DCC: variants seen among roughly 807,000 people sequenced by gnomAD.
DCC encodes DCC netrin 1 receptor.
DCC carries 58 observed loss-of-function variants against 172.5 expected under a neutral mutation model. The ratio of observed to expected loss-of-function variants is 0.34; its 90% CI spans 0.27 to 0.42. The LOEUF (loss-of-function observed/expected upper bound fraction) is 0.42, where lower values mean the gene tolerates loss of function less well. Ranked by LOEUF, DCC falls within the 10% of genes least tolerant of loss-of-function variation. The pLI, the probability that DCC is intolerant of heterozygous loss-of-function variation, is 1.00. For synonymous variants in DCC, 709 were observed against 644.5 expected, an observed-to-expected ratio of 1.10 and a Z score of -1.52; for missense variants, 1,740 against 1,791.0, an observed-to-expected ratio of 0.97 and a Z score of 0.51.
At chr18:52,717,563 A>G (rs2036405183) in intron 1 of DCC, among the ~76,000 whole-genome samples, 1 of 151,912 alleles carries the variant, frequency 6.6e-6, no homozygotes, top group South Asian at 2.1e-4. Context: ...AGAAAACACA[A>G]GCAGTGAACA....
chr18:53,263,082 G>A (rs1439900965), intron 12 of DCC, among the ~76,000 whole-genome samples: 1 of 152,174 alleles, frequency 6.6e-6, no homozygotes, highest in African/African-American at 2.4e-5. Flanking sequence ...ATGAACATAT[G>A]TAAATGTTAA....
chr18:52,598,104 A>G (rs944211940), intron 1 of DCC, among the ~76,000 whole-genome samples: 1 of 152,106 alleles, frequency 6.6e-6, no homozygotes, highest in African/African-American at 2.4e-5. Context: ...TATTTTCATG[A>G]CCTTGTGTGG....
rs773517928 is a variant in DCC, at chr18:52,925,334, G to A, written c.949G>A (p.Glu317Lys). The change falls in exon 5 of 29, where the codon GAG (glutamate) becomes AAG (lysine). Residue 317 changes from glutamate to lysine, a missense_variant. Coordinates refer to ENST00000442544, the MANE Select transcript of DCC (RefSeq NM_005215.4). ...TACCTGTGTTGTCACATATAAAAAT[G>A]AGAATATTAGTGCCTCTGCAGAGCT... ...MYTCVVTYKN[E>K]NISASAELTV... 1.9e-6 allele frequency: 3 copies of A among 1,612,500 alleles called. No individual in the cohort carries two copies. The African/African-American group carries it at 4.0e-5, about 22-fold the overall frequency.
intron 1 of DCC, chr18:52,419,252 G>A (rs1987163043): frequency 6.6e-6 from 1 of 152,182 alleles, no homozygotes; most frequent in Non-Finnish European, 1.5e-5. Context: ...AGCACAGGGT[G>A]TTGGAGAGTC....
intron 1 of DCC, among the ~76,000 whole-genome samples, chr18:52,498,323 G>A (rs1006703295): frequency 6.6e-5 from 10 of 152,062 alleles, no homozygotes; most frequent in African/African-American, 1.9e-4. Flanking sequence ...CAGACTCAGT[G>A]ACTAAAATGA....
Position 52,610,167 on chromosome 18 carries a change from AAAAAAAAAAAAATATATATATAT to A in DCC, c.92-141885_92-141863del, listed in dbSNP as rs1348169190. On this transcript the variant is annotated intron_variant, in intron 1 of 28. Coordinates refer to ENST00000442544, the MANE Select transcript of DCC (RefSeq NM_005215.4). Reference sequence around the variant, plus strand: ...CATCTCTCATAAAAAAAAAAAAAAAAAAAAAAAAAAAATATATATATATATATATATATATATATATATATATA... The same window carrying A: ...CATCTCTCATAAAAAAAAAAAAAAAAATATATATATATATATATATATATA... 4.3e-4 allele frequency among the ~76,000 whole-genome samples: 10 copies of A among 23,046 alleles called. 2 individuals are homozygous for A. In the South Asian group the frequency reaches 0.011, roughly 25 times the overall value. The allele number at this position is 23,046 out of a possible 152,430, so 15.1% of individuals were successfully genotyped here.
intron 27 of DCC, among the ~76,000 whole-genome samples, chr18:53,525,387 T>C (rs1423554475): frequency 1.3e-5 from 2 of 152,068 alleles, no homozygotes; most frequent in African/African-American, 4.8e-5. Flanking sequence ...GAACAGAATA[T>C]CACCCTTTTA....
intron 26 of DCC, among the ~76,000 whole-genome samples, chr18:53,489,107 C>G (rs1325540495): frequency 6.6e-6 from 1 of 151,838 alleles, no homozygotes; most frequent in African/African-American, 2.4e-5. Context: ...TATTTATTCT[C>G]TAGAAGATGT....
chr18:53,115,420 G>A (rs2043395016), intron 7 of DCC, among the ~76,000 whole-genome samples: 1 of 151,410 alleles, frequency 6.6e-6, no homozygotes, highest in African/African-American at 2.4e-5. Flanking sequence ...TGTGTGGTTA[G>A]TGGCAGATAC....
At chr18:53,366,245 C>T (rs903231055) in intron 15 of DCC, among the ~76,000 whole-genome samples, 1 of 152,012 alleles carries the variant, frequency 6.6e-6, no homozygotes, top group African/African-American at 2.4e-5. Context: ...TTAGTAGAGA[C>T]GGGGTTTCAC....
chr18:53,155,612 G>T (rs2054718796), intron 7 of DCC, among the ~76,000 whole-genome samples: 1 of 152,214 alleles, frequency 6.6e-6, no homozygotes, highest in South Asian at 2.1e-4. Flanking sequence ...ATAATTCAGA[G>T]TTGTTCTTAT....
At chr18:52,957,342 TTATAA>T (rs144740214) in intron 5 of DCC, among the ~76,000 whole-genome samples, 3,273 of 152,066 alleles carry the variant, frequency 0.022, 58 homozygotes, top group Admixed American at 0.039. Flanking sequence ...TTATAAATAA[TTATAA>T]TATAAGGGAA....
At chr18:52,474,330 C>A (rs1231929) in intron 1 of DCC, among the ~76,000 whole-genome samples, 1 of 151,120 alleles carries the variant, frequency 6.6e-6, no homozygotes, top group Non-Finnish European at 1.5e-5. Context: ...TCATTGGTGG[C>A]GGAGATTTTA....
chr18:53,493,235 G>A (rs1249348222), intron 26 of DCC, among the ~76,000 whole-genome samples: 1 of 152,134 alleles, frequency 6.6e-6, no homozygotes, highest in East Asian at 1.9e-4. Flanking sequence ...CTGAGATGAT[G>A]GGGTTTTCTA....
chr18:52,864,631 A>G (rs987824563), intron 2 of DCC, among the ~76,000 whole-genome samples: 11 of 151,230 alleles, frequency 7.3e-5, no homozygotes, highest in African/African-American at 2.2e-4. Context: ...GAACCCATCA[A>G]CCTATCAACA....
chr18:53,210,550 TAGAC>T (rs1260754815), intron 11 of DCC, among the ~76,000 whole-genome samples: 10 of 152,192 alleles, frequency 6.6e-5, no homozygotes, highest in African/African-American at 2.4e-4. Flanking sequence ...TCGAATTAAT[TAGAC>T]AGCTCAGTCA....
intron 1 of DCC, among the ~76,000 whole-genome samples, chr18:52,679,448 C>A (rs1197139759): frequency 6.6e-6 from 1 of 152,022 alleles, no homozygotes; most frequent in Non-Finnish European, 1.5e-5. Context: ...TTTATCCTAT[C>A]TATTGTTAAC....
intron 5 of DCC, among the ~76,000 whole-genome samples, chr18:52,982,392 G>C (rs1301001572): frequency 6.6e-6 from 1 of 152,128 alleles, no homozygotes; most frequent in Non-Finnish European, 1.5e-5. Flanking sequence ...TCTAAGGCCT[G>C]CTTCTCCCAC....
At chr18:52,471,196 A>C (rs897884088) in intron 1 of DCC, among the ~76,000 whole-genome samples, 2 of 152,094 alleles carry the variant, frequency 1.3e-5, no homozygotes, top group African/African-American at 2.4e-5. Flanking sequence ...ACAAATAACA[A>C]AAATTTAGGA....
Sources: allele counts gnomAD v4.1 joint callset (sites outside exome capture counted in the v4.1 genomes callset), GRCh38; gene constraint gnomAD v4.1.1; transcripts MANE v1.5; gene names NCBI Gene and HGNC (gene_info 2026-07-23, HGNC 2026-07-21).